Variants in CXCL12 observed in about 807,000 individuals in gnomAD.
The protein encoded by CXCL12 is C-X-C motif chemokine ligand 12.
Under a neutral mutation model 10.7 loss-of-function variants are expected in CXCL12, and 4 were observed. That is an observed-to-expected ratio of 0.37 (90% CI 0.18 to 0.86). The LOEUF is 0.86. Ranked by LOEUF, CXCL12 falls within the 40% of genes least tolerant of loss-of-function variation. The probability of loss-of-function intolerance (pLI) is 0.43; values close to 1 mark genes in which losing one functional copy is unlikely to be tolerated. For synonymous variants in CXCL12, 54 were observed against 45.4 expected (o/e 1.19, Z -0.77); for missense variants, 122 against 110.4 (o/e 1.10, Z -0.47).
chr10:44,380,916 C>A (rs762194311), intron 1 of CXCL12, 36 bp from the exon 2 acceptor site: 4 of 1,573,942 alleles, frequency 2.5e-6, no homozygotes, highest in Non-Finnish European at 3.5e-6. Context: ...ACTTTACTAC[C>A]CTGCCAGATT....
chr10:44,380,694 G>C, intron 2 of CXCL12, 69 bp downstream of exon 2: 3 of 1,317,380 alleles, frequency 2.3e-6, no homozygotes, highest in South Asian at 2.4e-5. Flanking sequence ...AATAAGACTC[G>C]GGTTAGATGT....
intron 2 of CXCL12, among the ~76,000 whole-genome samples, chr10:44,379,117 G>C (rs533300044): frequency 1.4e-4 from 22 of 152,214 alleles, no homozygotes; most frequent in African/African-American, 5.3e-4. Flanking sequence ...GGATGCTCTA[G>C]GTACCTGGGG....
At chr10:44,371,096 A>G (rs920946761), downstream of CXCL12, 36 of 223,426 alleles carry the variant, frequency 1.6e-4, no homozygotes, top group Non-Finnish European at 1.5e-4. Context: ...GATTCGGATT[A>G]CAAGAGACTT....
In CXCL12 at chr10:44,385,060, G is replaced by T. The variant is rs1316293225; in HGVS notation, c.-55C>A. ...GAGCGCGGGTCGGGGGCCGGACGCCGAGCGGGCAATGCGGCTGACGGAGAG... is the reference window on the plus strand; with the variant it reads ...GAGCGCGGGTCGGGGGCCGGACGCCTAGCGGGCAATGCGGCTGACGGAGAG... On this transcript the variant is annotated 5_prime_UTR_variant, in exon 1 of 3. Transcript: ENST00000343575. The T allele has an allele frequency of 3.7e-6, 5 of 1,334,436 alleles. No homozygotes were observed. The highest frequency in any genetic ancestry group is 5.0e-6 in the Non-Finnish European group (5 of 1,006,924). The allele number at this position is 1,334,436 out of a possible 1,614,324, so 82.7% of individuals were successfully genotyped here.
At chr10:44,376,071 TAAAC>T, downstream of CXCL12, 1 of 1,603,118 alleles carries the variant, frequency 6.2e-7, no homozygotes, top group Non-Finnish European at 8.5e-7. Flanking sequence ...AATGTGGAAA[TAAAC>T]AAAAGTTCGT....
chr10:44,373,275 C>T, downstream of CXCL12: 1 of 1,589,680 alleles, frequency 6.3e-7, no homozygotes. Context: ...TTCCCTAACA[C>T]TGGTTTCAGA....
At position 44,380,496 on chromosome 10, in the gene CXCL12, T is replaced by C. The variant is rs1175219490; in HGVS notation, c.179+267A>G. The C allele has an allele frequency of 1.6e-5, 7 of 435,262 alleles. No homozygotes were observed. The East Asian group carries it at 2.5e-4, about 15-fold the overall frequency. 27.0% of individuals were successfully genotyped at this position (435,262 alleles called of 1,614,324 possible). ...CCATAGTTTCTCCAGCATCCAGCTG[T>C]GCTGTGCTGAAGAACACAGGTTTGG... On this transcript the variant is annotated intron_variant, in intron 2 of 2. Coordinates refer to ENST00000343575, the MANE Select transcript of CXCL12 (RefSeq NM_199168.4).
At position 44,377,583 on chromosome 10, in the gene CXCL12, T is replaced by C. The variant is rs1056440640; in HGVS notation, c.*1050A>G. On this transcript the variant is annotated 3_prime_UTR_variant, in exon 3 of 3. Coordinates refer to ENST00000343575, the MANE Select transcript of CXCL12 (RefSeq NM_199168.4). ...GGCAAGATGATGGTTTATTCACTGA[T>C]TTTTTCGCTTCTGATTTCGGAAACC... 2.0e-6 allele frequency: 3 copies of C among 1,480,172 alleles called. No individual in the cohort carries two copies. The highest frequency in any genetic ancestry group is 2.2e-5 in the Admixed American group (1 of 44,544). The allele number at this position is 1,480,172 out of a possible 1,614,324, so 91.7% of individuals were successfully genotyped here.
downstream of CXCL12, chr10:44,371,826 A>C (rs1488678246): frequency 6.6e-6 from 1 of 152,570 alleles, no homozygotes; most frequent in Non-Finnish European, 1.5e-5. Context: ...AAGTATTCGT[A>C]AGACTGAATG....
At chr10:44,372,990 CT>C, downstream of CXCL12, 1 of 1,536,048 alleles carries the variant, frequency 6.5e-7, no homozygotes, top group Non-Finnish European at 8.7e-7. Context: ...TCAGCCCAGT[CT>C]CCCCACCTGC....
Position 44,385,067 on chromosome 10 carries a change from C to T in CXCL12, c.-62G>A, listed in dbSNP as rs1013955523. The T allele has an allele frequency of 3.2e-6, 4 of 1,267,986 alleles. No individual in the cohort carries two copies. The highest frequency in any genetic ancestry group is 4.2e-6 in the Non-Finnish European group (4 of 951,134). The allele number at this position is 1,267,986 out of a possible 1,614,324, so 78.5% of individuals were successfully genotyped here. A position where few individuals can be genotyped will look rare whatever the true frequency, so the allele number is the denominator to read the frequency against. On this transcript the variant is annotated 5_prime_UTR_variant, in exon 1 of 3. Transcript: ENST00000343575. ...GGTCGGGGGCCGGACGCCGAGCGGG[C>T]AATGCGGCTGACGGAGAGTGAAAGT...
intron 1 of CXCL12, among the ~76,000 whole-genome samples, chr10:44,381,117 G>C (rs138883045): frequency 3.3e-5 from 5 of 152,168 alleles, no homozygotes; most frequent in Non-Finnish European, 7.4e-5. Context: ...GGGGAGAGCC[G>C]GAGCCTAGAT....
downstream of CXCL12, chr10:44,372,723 A>T (rs961544609): frequency 1.9e-4 from 276 of 1,428,144 alleles, 1 homozygote; most frequent in Middle Eastern, 2.6e-4. Flanking sequence ...GGTGCTCGGG[A>T]TGAGGGCTGG....
rs936322655 is a variant in CXCL12 at position 44,380,890 on chromosome 10, G to A, written c.62-10C>T. Reference sequence around the variant, plus strand: ...AGGCTGACGGGCTTCCCTAGAAGAGGTAAGGACAACAAGGCACTTTACTAC... The same window carrying A: ...AGGCTGACGGGCTTCCCTAGAAGAGATAAGGACAACAAGGCACTTTACTAC... On this transcript the variant is annotated splice_polypyrimidine_tract_variant and intron_variant, in intron 1 of 2. Coordinates refer to ENST00000343575, the MANE Select transcript of CXCL12 (RefSeq NM_199168.4). The A allele has an allele frequency of 1.9e-6, 3 of 1,613,010 alleles. No individual in the cohort carries two copies. The East Asian group carries it at 6.7e-5, about 36-fold the overall frequency.
chr10:44,373,794 C>G (rs1839380717), downstream of CXCL12, among the ~76,000 whole-genome samples: 1 of 152,188 alleles, frequency 6.6e-6, no homozygotes, highest in Admixed American at 6.5e-5. Flanking sequence ...AGGGGCCATG[C>G]CACCGTAGGT....
At position 44,377,147 on chromosome 10, in the gene CXCL12, T is replaced by C; in HGVS notation, c.*1486A>G. The C allele has an allele frequency of 3.0e-6, 3 of 986,266 alleles. No individual in the cohort carries two copies. Among genetic ancestry groups the C allele is most frequent in the Non-Finnish European group, 3.6e-6 (3 of 830,566 alleles). The allele number at this position is 986,266 out of a possible 1,614,324, so 61.1% of individuals were successfully genotyped here. Reference sequence around the variant, plus strand: ...TAGGACGTTTATACCATGAAACAATTAGCATTTTATTGCTAGTGCATATAA... The same window carrying C: ...TAGGACGTTTATACCATGAAACAATCAGCATTTTATTGCTAGTGCATATAA... On this transcript the variant is annotated 3_prime_UTR_variant, in exon 3 of 3. Transcript: ENST00000343575.
downstream of CXCL12, chr10:44,373,134 A>C (rs1466435371): frequency 1.3e-6 from 2 of 1,533,998 alleles, no homozygotes; most frequent in Non-Finnish European, 1.8e-6. Context: ...CTGAATAATC[A>C]AACTAAATGA....
chr10:44,371,572 T>A (rs1008518636), downstream of CXCL12: 1 of 177,884 alleles, frequency 5.6e-6, no homozygotes, highest in African/African-American at 2.4e-5. Context: ...TAAGGGACAA[T>A]TTTTGTTGAT....
At chr10:44,374,900 C>T (rs979051038), downstream of CXCL12, among the ~76,000 whole-genome samples, 22 of 152,152 alleles carry the variant, frequency 1.4e-4, no homozygotes, top group African/African-American at 4.3e-4. Flanking sequence ...TCCATCCTCC[C>T]GGTCCAGATT....
Sources: allele counts gnomAD v4.1 joint callset (sites outside exome capture counted in the v4.1 genomes callset), GRCh38; gene constraint gnomAD v4.1.1; transcripts MANE v1.5; gene names NCBI Gene and HGNC (gene_info 2026-07-23, HGNC 2026-07-21).